NRP1: variants seen among roughly 807,000 people sequenced by gnomAD.
NRP1 encodes the protein neuropilin 1.
In NRP1, 35 loss-of-function variants were observed where a neutral mutation model predicts 106.7. The ratio of observed to expected loss-of-function variants is 0.33; its 90% CI spans 0.25 to 0.43. The LOEUF is 0.43. NRP1 is among the 20% of genes least tolerant of loss of function. NRP1 has a pLI of 1.00. For synonymous variants in NRP1, 437 were observed against 417.9 expected (o/e 1.05, Z -0.56); for missense variants, 1,024 against 1,170.4 (o/e 0.87, Z 1.83).
At chr10:33,293,935 G>A (rs1018602776) in intron 2 of NRP1, among the ~76,000 whole-genome samples, 6 of 152,188 alleles carry the variant, frequency 3.9e-5, no homozygotes, top group Admixed American at 2.6e-4. Flanking sequence ...CGGATAATGT[G>A]CTTTCTTCAG....
intron 2 of NRP1, among the ~76,000 whole-genome samples, chr10:33,276,353 A>G (rs145100179): frequency 1.5e-3 from 232 of 152,196 alleles, no homozygotes; most frequent in Non-Finnish European, 2.9e-3. Flanking sequence ...GATCAATGAG[A>G]TGCTCTGTGT....
intron 9 of NRP1, chr10:33,213,003 T>G (rs956870645): frequency 3.0e-5 from 16 of 538,018 alleles, no homozygotes; most frequent in Non-Finnish European, 4.2e-5. Flanking sequence ...AACAAAGCAC[T>G]TAAACTAGGG....
intron 8 of NRP1, among the ~76,000 whole-genome samples, chr10:33,218,000 C>T (rs1360456): frequency 0.28 from 42,523 of 152,060 alleles, 6,410 homozygotes; most frequent in East Asian, 0.62. Context: ...AATTTAATCT[C>T]TCCTTGATGA....
At chr10:33,300,428 A>G (rs930049780) in intron 2 of NRP1, among the ~76,000 whole-genome samples, 1 of 152,206 alleles carries the variant, frequency 6.6e-6, no homozygotes, top group Non-Finnish European at 1.5e-5. Context: ...AGCGGCCAGG[A>G]GAGGATTTCC....
chr10:33,302,886 G>A (rs1275346783), intron 2 of NRP1, among the ~76,000 whole-genome samples: 1 of 152,186 alleles, frequency 6.6e-6, no homozygotes, highest in African/African-American at 2.4e-5. Context: ...TTGAGAAATG[G>A]GAGGATAGTC....
At chr10:33,247,756 C>T (rs1258694261) in intron 6 of NRP1, among the ~76,000 whole-genome samples, 1 of 152,172 alleles carries the variant, frequency 6.6e-6, no homozygotes, top group African/African-American at 2.4e-5. Context: ...GCAATGCACG[C>T]GCTGGCCACG....
intron 1 of NRP1, among the ~76,000 whole-genome samples, chr10:33,331,181 A>C (rs1224955688): frequency 1.3e-5 from 2 of 152,176 alleles, no homozygotes; most frequent in Non-Finnish European, 1.5e-5. Context: ...AATCCCCTCA[A>C]TTGATGTTAA....
At chr10:33,194,866 G>C (rs1279723366) in intron 12 of NRP1, 3 of 433,382 alleles carry the variant, frequency 6.9e-6, no homozygotes, top group African/African-American at 6.3e-5. Context: ...GAGAAAGGGA[G>C]AGAGAAAAGG....
At chr10:33,243,111 A>G (rs1171750487) in intron 6 of NRP1, among the ~76,000 whole-genome samples, 1 of 152,154 alleles carries the variant, frequency 6.6e-6, no homozygotes, top group Non-Finnish European at 1.5e-5. Flanking sequence ...TGTGGGCTGC[A>G]CTTTCTTACA....
chr10:33,263,872 A>G lies in NRP1; in HGVS notation c.432T>C (p.Gly144=), dbSNP rs749981915. Residue 144 remains glycine, a splice_region_variant and synonymous_variant, in exon 4 of 17, where the codon GGT becomes GGC. Coordinates refer to ENST00000374867, the MANE Select transcript of NRP1 (RefSeq NM_003873.7). ...TTGTGTAGTTCTGGGAACATTCAGG[A>G]CCTATGAGTAGAAGAGAAAAAGGAG... ...FSIRYEIFKR[G]PECSQNYTTP... The G allele has an allele frequency of 1.4e-5, 22 of 1,589,910 alleles. No individual in the cohort carries two copies. Among genetic ancestry groups the G allele is most frequent in the Non-Finnish European group, 1.9e-5 (22 of 1,158,576 alleles).
At chr10:33,260,179 T>A (rs1842479241) in intron 4 of NRP1, among the ~76,000 whole-genome samples, 1 of 152,198 alleles carries the variant, frequency 6.6e-6, no homozygotes, top group Non-Finnish European at 1.5e-5. Flanking sequence ...GTATCCTTTT[T>A]AAAATGAAGT....
intron 2 of NRP1, among the ~76,000 whole-genome samples, chr10:33,322,016 A>C (rs544540971): frequency 8.9e-4 from 136 of 152,232 alleles, no homozygotes; most frequent in African/African-American, 3.2e-3. Flanking sequence ...TCTCCCTTTA[A>C]CCCTTACAGA....
At chr10:33,332,914 G>A (rs1848387433) in intron 1 of NRP1, among the ~76,000 whole-genome samples, 1 of 150,158 alleles carries the variant, frequency 6.7e-6, no homozygotes, top group Admixed American at 6.6e-5. Context: ...ATATATATTT[G>A]TGTAGTTCAC....
At chr10:33,212,858 A>G (rs941856288) in intron 9 of NRP1, 3 of 190,234 alleles carry the variant, frequency 1.6e-5, no homozygotes, top group African/African-American at 7.0e-5. Context: ...TTTAGTAGAG[A>G]TGGGGTTTCA....
intron 6 of NRP1, among the ~76,000 whole-genome samples, chr10:33,237,461 A>T (rs1840644897): frequency 6.7e-6 from 1 of 148,718 alleles, no homozygotes; most frequent in South Asian, 2.2e-4. Flanking sequence ...TGATGAACTA[A>T]CGGCAGAAGA....
At chr10:33,308,526 G>T (rs941131926) in intron 2 of NRP1, among the ~76,000 whole-genome samples, 1 of 151,570 alleles carries the variant, frequency 6.6e-6, no homozygotes, top group Non-Finnish European at 1.5e-5. Context: ...TCACTCTGTC[G>T]CCCACGCTGG....
intron 2 of NRP1, among the ~76,000 whole-genome samples, chr10:33,308,848 T>C (rs1303295323): frequency 6.6e-6 from 1 of 152,190 alleles, no homozygotes. Context: ...AAAGAATATA[T>C]GCCAAAAATA....
intron 9 of NRP1, among the ~76,000 whole-genome samples, chr10:33,207,947 A>G (rs554105824): frequency 6.6e-6 from 1 of 152,222 alleles, no homozygotes; most frequent in African/African-American, 2.4e-5. Flanking sequence ...ATTTTTTGAG[A>G]TGGGGTCTCA....
At chr10:33,189,245 C>T (rs1836243736) in intron 13 of NRP1, among the ~76,000 whole-genome samples, 1 of 152,152 alleles carries the variant, frequency 6.6e-6, no homozygotes, top group African/African-American at 2.4e-5. Flanking sequence ...CCTTGTCAAT[C>T]TCATTAGGCA....
Sources: gnomAD v4.1 joint callset for allele counts (sites outside exome capture counted in the v4.1 genomes callset) on GRCh38, gnomAD v4.1.1 for gene constraint, MANE v1.5 for transcripts, NCBI Gene and HGNC (gene_info 2026-07-23, HGNC 2026-07-21) for gene names.